F10: variants seen among roughly 807,000 people sequenced by gnomAD.
F10 encodes Stuart-Prower factor.
Under a neutral mutation model 37.1 loss-of-function variants are expected in F10, and 29 were observed. The ratio of observed to expected loss-of-function variants is 0.78; its 90% CI spans 0.58 to 1.07. F10 has a LOEUF of 1.07. Among genes scored for constraint, F10 ranks in the 50% least tolerant of loss-of-function variants. The pLI, the probability that F10 is intolerant of heterozygous loss-of-function variation, is 0.00. For synonymous variants in F10, 262 were observed against 268.6 expected (o/e 0.98, Z 0.24); for missense variants, 539 against 667.9 (o/e 0.81, Z 2.13).
At chr13:113,128,773 T>C (rs1380357596) in intron 1 of F10, 1 of 151,024 alleles carries the variant, frequency 6.6e-6, no homozygotes, top group Non-Finnish European at 1.5e-5. Flanking sequence ...GACAGTAGAA[T>C]CTCCTCCTGA....
chr13:113,147,702 G>A (rs567416922), intron 7 of F10, among the ~76,000 whole-genome samples: 10 of 152,276 alleles, frequency 6.6e-5, no homozygotes, highest in East Asian at 1.9e-4. Context: ...GAGGGGAGGC[G>A]AACCAGCCCA....
At chr13:113,138,404 T>G in intron 2 of F10, 53 bp from the exon 3 acceptor site, 1 of 919,138 alleles carries the variant, frequency 1.1e-6, no homozygotes, top group Non-Finnish European at 1.8e-6. Flanking sequence ...GTTATTGGTA[T>G]AAAATGTCTC....
rs3213005 is a variant in F10 at position 113,144,488 on chromosome 13, G to A, written c.747+393G>A. 0.046 allele frequency among the ~76,000 whole-genome samples: 6,990 copies of A among 152,352 alleles called. 220 individuals are homozygous for A. The highest frequency in any genetic ancestry group is 0.082 in the Middle Eastern group (24 of 294). On this transcript the variant is annotated intron_variant, in intron 6 of 7. Transcript: ENST00000375559. This position sits in a 1 kb window ranked among gnomAD's most constrained non-coding sequence, Gnocchi z 6.4. Reference sequence around the variant, plus strand: ...CACCAGGAGACAAGGCTAAAGCCAGGGAGCCACCCACACTGCAGGGGCATC... The same window carrying A: ...CACCAGGAGACAAGGCTAAAGCCAGAGAGCCACCCACACTGCAGGGGCATC...
In F10 at chr13:113,139,329, C is replaced by G. The variant is rs772202237; in HGVS notation, c.257-28C>G. On this transcript the variant is annotated intron_variant, in intron 3 of 7. Coordinates refer to ENST00000375559, the MANE Select transcript of F10 (RefSeq NM_000504.4). This position sits in a 1 kb window ranked among gnomAD's most constrained non-coding sequence, Gnocchi z 5.2. The stretch of plus-strand genomic sequence containing the variant: ...CATGATGCCGGAAACAGCTTGCAGA[C>G]TCCAGTTTCGAAATCCTCTCTTTGC... 10 of 1,586,036 alleles carry G rather than the reference C, an allele frequency of 6.3e-6. No individual in the cohort carries two copies. The Admixed American group carries it at 1.7e-4, about 26-fold the overall frequency.
At chr13:113,133,145 A>G (rs3211752) in intron 2 of F10, among the ~76,000 whole-genome samples, 62,273 of 151,932 alleles carry the variant, frequency 0.41, 13,916 homozygotes, top group East Asian at 0.5. Flanking sequence ...GAAAAGAAAG[A>G]CGGTCTCAAA....
At chr13:113,147,538 G>T in intron 7 of F10, 42 bp downstream of exon 7, 1 of 1,150,758 alleles carries the variant, frequency 8.7e-7, no homozygotes, top group Non-Finnish European at 1.3e-6. Flanking sequence ...GAGGGGCACC[G>T]TCACTGTCTG....
chr13:113,122,859 G>A lies in F10; in HGVS notation c.4G>A (p.Gly2Arg). 1 of 1,610,366 alleles carries A rather than the reference G, an allele frequency of 6.2e-7. No individual in the cohort carries two copies. The highest frequency in any genetic ancestry group is 8.5e-7 in the Non-Finnish European group (1 of 1,180,018). The change falls in exon 1 of 8, where the codon GGG (glycine) becomes AGG (arginine). Residue 2 changes from glycine to arginine, a missense_variant. Coordinates refer to ENST00000375559, the MANE Select transcript of F10 (RefSeq NM_000504.4). The stretch of plus-strand genomic sequence containing the variant: ...GGACACAGTACTCGGCCACACCATG[G>A]GGCGCCCACTGCACCTCGTCCTGCT... The part of the protein sequence containing the change: M[G>R]RPLHLVLLSA...
chr13:113,147,013 T>C (rs1222753538), intron 6 of F10, among the ~76,000 whole-genome samples: 2 of 152,154 alleles, frequency 1.3e-5, no homozygotes, highest in Non-Finnish European at 2.9e-5. Context: ...TTGAGGCAGA[T>C]GATGTTTCTG....
intron 2 of F10, among the ~76,000 whole-genome samples, chr13:113,134,744 GCA>G (rs1435114953): frequency 6.6e-6 from 1 of 152,204 alleles, no homozygotes; most frequent in African/African-American, 2.4e-5. Flanking sequence ...TAATAGCAAT[GCA>G]CAGTTATTTG....
rs1595096001 is a variant in F10, at chr13:113,143,738, T to A, written c.503-113T>A. 3 of 1,424,674 alleles carry A rather than the reference T, an allele frequency of 2.1e-6. No individual in the cohort carries two copies. In the East Asian group the frequency reaches 7.7e-5, roughly 37 times the overall value. The allele number at this position is 1,424,674 out of a possible 1,614,324, so 88.3% of individuals were successfully genotyped here. A position where few individuals can be genotyped will look rare whatever the true frequency, so the allele number is the denominator to read the frequency against. On this transcript the variant is annotated intron_variant, in intron 5 of 7. Coordinates refer to ENST00000375559, the MANE Select transcript of F10 (RefSeq NM_000504.4). The surrounding 1 kb of genome is among the most constrained non-coding windows in gnomAD (Gnocchi z 6.8). ...CCTGCAAGCCCGCTGCCCCTCCGGG[T>A]GCCCCTGCGCTCTGCCTCCCGGCTC...
Position 113,141,736 on chromosome 13 carries a change from C to T in F10, c.502+686C>T, listed in dbSNP as rs529372161. ...CCAGCACACATGAGGCCCTCGAAGG[C>T]GGGGCCTAGGCGTCACAGCTGCACC... is the stretch of plus-strand genomic sequence containing the variant. On this transcript the variant is annotated intron_variant, in intron 5 of 7. Coordinates refer to ENST00000375559, the MANE Select transcript of F10 (RefSeq NM_000504.4). This position sits in a 1 kb window ranked among gnomAD's most constrained non-coding sequence, Gnocchi z 5.4. 3.3e-4 allele frequency among the ~76,000 whole-genome samples: 51 copies of T among 152,288 alleles called. No homozygotes were observed. The South Asian group carries it at 6.8e-3, about 20-fold the overall frequency.
intron 1 of F10, among the ~76,000 whole-genome samples, chr13:113,126,065 T>C (rs1472461946): frequency 6.6e-6 from 1 of 151,972 alleles, no homozygotes; most frequent in African/African-American, 2.4e-5. Context: ...GGTGTGAGTG[T>C]TGGGCTCAGC....
chr13:113,137,768 T>G (rs549603771), intron 2 of F10, among the ~76,000 whole-genome samples: 2 of 152,264 alleles, frequency 1.3e-5, no homozygotes, highest in East Asian at 3.9e-4. Context: ...CGCATGGCCT[T>G]CTCTCTCTGT....
At chr13:113,125,704 C>T (rs181774562) in intron 1 of F10, among the ~76,000 whole-genome samples, 182 of 152,368 alleles carry the variant, frequency 1.2e-3, no homozygotes, top group African/African-American at 3.8e-3. Flanking sequence ...ATAGCAGAAG[C>T]GCCCAGATTC....
At chr13:113,142,620 C>G (rs2036542128) in intron 5 of F10, among the ~76,000 whole-genome samples, 1 of 145,646 alleles carries the variant, frequency 6.9e-6, no homozygotes, top group African/African-American at 2.5e-5. Context: ...ATTACATAAT[C>G]TACTTTGTAG....
Position 113,149,496 on chromosome 13 carries a change from A to G in F10, c.1446A>G (p.Ile482Met). The G allele has an allele frequency of 6.2e-7, 1 of 1,613,160 alleles. No homozygotes were observed. The highest frequency in any genetic ancestry group is 8.5e-7 in the Non-Finnish European group (1 of 1,180,036). ...CCAAGAGCCATGCCCCGGAGGTCAT[A>G]ACGTCCTCTCCATTAAAGTGAGATC... ...PKAKSHAPEV[I>M]TSSPLK Residue 482 changes from isoleucine (I) to methionine (M), a missense_variant, in exon 8 of 8, where the codon ATA becomes ATG. By Grantham distance (10) the Ile-to-Met change is conservative. Transcript: ENST00000375559. The surrounding 1 kb of genome is among the most constrained non-coding windows in gnomAD (Gnocchi z 7.5).
chr13:113,122,900 T>A lies in F10; in HGVS notation c.45T>A (p.Ala15=). The change falls in exon 1 of 8, where the codon GCT becomes GCA. Residue 15 remains alanine, a synonymous_variant. Transcript: ENST00000375559. ...TCGTCCTGCTCAGTGCCTCCCTGGC[T>A]GGCCTCCTGCTGCTCGGGGAAAGTC... ...LHLVLLSASL[A]GLLLLGESLF... 1.9e-6 allele frequency: 3 copies of A among 1,610,744 alleles called. No individual in the cohort carries two copies. The highest frequency in any genetic ancestry group is 1.7e-6 in the Non-Finnish European group (2 of 1,179,992).
intron 7 of F10, among the ~76,000 whole-genome samples, chr13:113,148,365 T>TAC (rs1491257094): frequency 1.1e-5 from 1 of 94,764 alleles, no homozygotes; most frequent in Non-Finnish European, 2.0e-5. Flanking sequence ...TATATATATG[T>TAC]ATATATATAT....
intron 7 of F10, among the ~76,000 whole-genome samples, chr13:113,148,347 T>A (rs74963258): frequency 0.038 from 3,439 of 89,532 alleles, 57 homozygotes; most frequent in African/African-American, 0.065. Flanking sequence ...AAAAAAAAAA[T>A]ATATATATAT....
Sources: gnomAD v4.1 joint callset for allele counts (sites outside exome capture counted in the v4.1 genomes callset) on GRCh38, gnomAD v4.1.1 for gene constraint, Gnocchi (gnomAD v3.1) non-coding constraint, MANE v1.5 for transcripts, NCBI Gene and HGNC (gene_info 2026-07-23, HGNC 2026-07-21) for gene names.